STK32A: variants seen among roughly 807,000 people sequenced by gnomAD.
The protein encoded by STK32A is serine/threonine kinase 32A.
Under a neutral mutation model 53.2 loss-of-function variants are expected in STK32A, and 41 were observed. The observed-to-expected ratio is 0.77, with a 90% CI of 0.60 to 1.00. The LOEUF (loss-of-function observed/expected upper bound fraction) is 1.00. Ranked by LOEUF, STK32A falls within the 50% of genes least tolerant of loss-of-function variation. The pLI, the probability that STK32A is intolerant of heterozygous loss-of-function variation, is 0.00. For synonymous variants in STK32A, 166 were observed against 162.8 expected (o/e 1.02, Z -0.15); for missense variants, 458 against 485.8 (o/e 0.94, Z 0.54).
At chr5:147,401,324 A>G in the STK32A span, among the ~76,000 whole-genome samples, 1 of 152,174 alleles carries the variant, frequency 6.6e-6, no homozygotes, top group East Asian at 1.9e-4. Context: ...TTTAACTACT[A>G]TTACCATTAT....
At chr5:147,401,294 G>A in the STK32A span, among the ~76,000 whole-genome samples, 1 of 152,160 alleles carries the variant, frequency 6.6e-6, no homozygotes, top group East Asian at 1.9e-4. Flanking sequence ...TCTTACCATA[G>A]AGCTTGGTAC....
At chr5:147,302,451 T>C (rs541593061) in intron 4 of STK32A, among the ~76,000 whole-genome samples, 1 of 152,298 alleles carries the variant, frequency 6.6e-6, no homozygotes, top group South Asian at 2.1e-4. Context: ...TTTAACAGAA[T>C]TTCACCATCT....
In STK32A at chr5:147,239,776, G is replaced by C. The variant is rs73326961; in HGVS notation, c.52+90G>C. On this transcript the variant is annotated intron_variant, in intron 2 of 12. Transcript: ENST00000397936. Reference sequence around the variant, plus strand: ...AGTTTCATAAGTTAAGCATAAGCATGGTCTGTAGGGCCTTGAAGGAAAAAG... The same window carrying C: ...AGTTTCATAAGTTAAGCATAAGCATCGTCTGTAGGGCCTTGAAGGAAAAAG... The C allele has an allele frequency of 5.9e-3, 5,820 of 989,086 alleles. 206 individuals carry two copies. The African/African-American group carries it at 0.082, about 14-fold the overall frequency. 61.3% of individuals were successfully genotyped at this position (989,086 alleles called of 1,614,324 possible). A position where few individuals can be genotyped will look rare whatever the true frequency, so the allele number is the denominator to read the frequency against.
chr5:147,268,119 G>A (rs770481633), intron 2 of STK32A, among the ~76,000 whole-genome samples: 21 of 129,812 alleles, frequency 1.6e-4, no homozygotes, highest in Non-Finnish European at 2.3e-4. Context: ...TGAGAATCAC[G>A]TCAGGACCAT....
At chr5:147,360,718 T>TA (rs1756466909) in intron 7 of STK32A, among the ~76,000 whole-genome samples, 1 of 152,210 alleles carries the variant, frequency 6.6e-6, no homozygotes, top group African/African-American at 2.4e-5. Context: ...GATTCTGTAT[T>TA]AGACAGTAGG....
chr5:147,360,817 T>TTA (rs1383216207), intron 7 of STK32A, among the ~76,000 whole-genome samples: 7 of 152,318 alleles, frequency 4.6e-5, no homozygotes, highest in African/African-American at 1.7e-4. Context: ...AGGTTTATTC[T>TTA]TAGAAGGGTA....
At chr5:147,298,068 T>C (rs568699233) in intron 4 of STK32A, among the ~76,000 whole-genome samples, 2 of 152,248 alleles carry the variant, frequency 1.3e-5, no homozygotes, top group East Asian at 3.9e-4. Context: ...TTGTTGGATC[T>C]GTATTTTTAT....
intron 2 of STK32A, among the ~76,000 whole-genome samples, chr5:147,262,577 A>G (rs1311190810): frequency 6.9e-6 from 1 of 144,250 alleles, no homozygotes; most frequent in East Asian, 2.0e-4. Flanking sequence ...TACCTATTTT[A>G]CAGATCAGGA....
intron 5 of STK32A, among the ~76,000 whole-genome samples, chr5:147,336,057 T>C (rs532526912): frequency 4.6e-5 from 7 of 152,246 alleles, no homozygotes; most frequent in South Asian, 2.1e-4. Context: ...ATCCCTGGGG[T>C]TGGATAGGAC....
chr5:147,394,611 G>C, the STK32A span, among the ~76,000 whole-genome samples: 2 of 145,818 alleles, frequency 1.4e-5, no homozygotes, highest in Non-Finnish European at 3.1e-5. Context: ...AAATTTCAAT[G>C]TGTGCTTGGG....
intron 11 of STK32A, 116 bp downstream of exon 11, chr5:147,375,334 TAGG>T (rs1757192467): frequency 4.5e-6 from 6 of 1,325,176 alleles, no homozygotes; most frequent in Non-Finnish European, 2.0e-6. Flanking sequence ...CTTAGTGAAA[TAGG>T]AGAAGTAGAT....
chr5:147,381,433 A>G (rs1170138494), intron 11 of STK32A, among the ~76,000 whole-genome samples: 2 of 152,090 alleles, frequency 1.3e-5, no homozygotes, highest in Non-Finnish European at 2.9e-5. Flanking sequence ...ACTTGAGGCC[A>G]GGAGTTTGAG....
intron 7 of STK32A, among the ~76,000 whole-genome samples, chr5:147,360,844 T>A (rs569234067): frequency 6.6e-6 from 1 of 152,198 alleles, no homozygotes; most frequent in African/African-American, 2.4e-5. Flanking sequence ...AGGTTCATAG[T>A]GTGTCAAAGT....
chr5:147,350,223 C>A (rs1755902139), intron 6 of STK32A, among the ~76,000 whole-genome samples: 1 of 140,718 alleles, frequency 7.1e-6, no homozygotes, highest in Admixed American at 7.5e-5. Context: ...CTGATGAGGC[C>A]AACCTGAATT....
chr5:147,378,899 C>T (rs1322565986), intron 11 of STK32A, among the ~76,000 whole-genome samples: 2 of 61,942 alleles, frequency 3.2e-5, no homozygotes, highest in African/African-American at 1.2e-4. Flanking sequence ...ATTGTCTTGA[C>T]TATTCAAGCC....
chr5:147,288,156 A>G (rs1752431497), intron 4 of STK32A, among the ~76,000 whole-genome samples: 1 of 152,156 alleles, frequency 6.6e-6, no homozygotes, highest in Non-Finnish European at 1.5e-5. Context: ...GGCATCATTA[A>G]CAATGATAGA....
intron 4 of STK32A, among the ~76,000 whole-genome samples, chr5:147,319,724 T>C (rs1754204801): frequency 6.6e-6 from 1 of 152,176 alleles, no homozygotes; most frequent in Admixed American, 6.5e-5. Flanking sequence ...AGGGATCTCT[T>C]CTAACAAGGG....
At chr5:147,351,179 T>C (rs777320082) in intron 7 of STK32A, 25 bp downstream of exon 7, 1 of 1,590,082 alleles carries the variant, frequency 6.3e-7, no homozygotes, top group African/African-American at 1.3e-5. Flanking sequence ...AGTGTCTTTT[T>C]TTTTTCTTTC....
chr5:147,286,177 G>C (rs1752327353), intron 4 of STK32A, among the ~76,000 whole-genome samples: 1 of 151,972 alleles, frequency 6.6e-6, no homozygotes, highest in Admixed American at 6.6e-5. Context: ...TTCAGGAATT[G>C]AAAACCAAAC....
Sources: allele counts gnomAD v4.1 joint callset (sites outside exome capture counted in the v4.1 genomes callset), GRCh38; gene constraint gnomAD v4.1.1; transcripts MANE v1.5; gene names NCBI Gene and HGNC (gene_info 2026-07-23, HGNC 2026-07-21).